Variants in ZNF726 observed in about 807,000 individuals in gnomAD.
The protein encoded by ZNF726 is zinc finger protein 726, also known as zinc finger protein 92 pseudogene 3.
A neutral mutation model predicts 11.6 loss-of-function variants in ZNF726; 15 were observed. The ratio of observed to expected loss-of-function variants is 1.29; its 90% CI spans 0.86 to 1.99. ZNF726 has a LOEUF of 1.99. Among genes scored for constraint, ZNF726 ranks in the 30% most tolerant of loss-of-function variants. The pLI, the probability that ZNF726 is intolerant of heterozygous loss-of-function variation, is 0.00. For synonymous variants in ZNF726, 295 were observed against 243.6 expected (o/e 1.21, Z -1.96); for missense variants, 890 against 725.6 (o/e 1.23, Z -2.60).
At chr19:23,935,293 A>G (rs757893694), downstream of ZNF726, 3 of 505,780 alleles carry the variant, frequency 5.9e-6, no homozygotes, top group South Asian at 2.9e-5. Context: ...GTAAAACTCT[A>G]CAAATGTGAA....
In ZNF726 at chr19:23,932,462, G is replaced by A; in HGVS notation, c.346G>A (p.Gly116Ser). The change falls in exon 4 of 4, where the codon GGT (glycine) becomes AGT (serine). Residue 116 changes from glycine to serine, a missense_variant. Physicochemically the swap from Gly to Ser is moderately conservative, Grantham distance 56. Transcript: ENST00000594466. ...ACATGAGAATTTACAGTTAAGAAAA[G>A]GTTGTAAAAGTGTGGATGAGTGTAA... ...CGHENLQLRKGCKSVDECKVH... is the reference protein window; with the variant it reads ...CGHENLQLRKSCKSVDECKVH... 6.3e-7 allele frequency: 1 copy of A among 1,577,848 alleles called. No homozygotes were observed. The highest frequency in any genetic ancestry group is 8.6e-7 in the Non-Finnish European group (1 of 1,166,128).
At chr19:23,920,227 G>C (rs920487666) in intron 3 of ZNF726, 145 bp downstream of exon 3, 3 of 447,134 alleles carry the variant, frequency 6.7e-6, no homozygotes, top group Non-Finnish European at 1.2e-5. Context: ...TATACTCTCA[G>C]ATAGGGGCAT....
chr19:23,939,304 T>C (rs1211223365), downstream of ZNF726, among the ~76,000 whole-genome samples: 1 of 152,186 alleles, frequency 6.6e-6, no homozygotes, highest in East Asian at 1.9e-4. Flanking sequence ...GTTAATTTCT[T>C]TTTGTGGTGA....
intron 1 of ZNF726, among the ~76,000 whole-genome samples, chr19:23,918,053 G>A (rs1447133535): frequency 6.6e-6 from 1 of 152,162 alleles, no homozygotes; most frequent in East Asian, 1.9e-4. Flanking sequence ...AAAAGTGCAG[G>A]AATGCGGTTA....
chr19:23,924,223 T>TC (rs1967928610), intron 3 of ZNF726, among the ~76,000 whole-genome samples: 1 of 151,734 alleles, frequency 6.6e-6, no homozygotes, highest in South Asian at 2.1e-4. Flanking sequence ...TTGTATTTTT[T>TC]TTTTTTTTTT....
Position 23,934,016 on chromosome 19 carries a change from C to T in ZNF726, c.*49C>T, listed in dbSNP as rs759937915. On this transcript the variant is annotated 3_prime_UTR_variant, in exon 4 of 4. Coordinates refer to ENST00000594466, the MANE Select transcript of ZNF726 (RefSeq NM_001244038.2). ...AATGTGGCAAAGCATTTATATGGTC[C>T]TCAACGCTAAACATAAGAGGATGCA... The T allele has an allele frequency of 6.6e-7, 1 of 1,508,782 alleles. No homozygotes were observed. Among genetic ancestry groups the T allele is most frequent in the Non-Finnish European group, 9.0e-7 (1 of 1,106,656 alleles). 93.5% of individuals were successfully genotyped at this position (1,508,782 alleles called of 1,614,324 possible). A position where few individuals can be genotyped will look rare whatever the true frequency, so the allele number is the denominator to read the frequency against.
chr19:23,940,821 T>A (rs1206811420), intron 3 of ZNF726, among the ~76,000 whole-genome samples: 1 of 152,196 alleles, frequency 6.6e-6, no homozygotes, highest in African/African-American at 2.4e-5. Context: ...GAACTACTGA[T>A]TTGTATACGT....
downstream of ZNF726, chr19:23,935,341 C>T (rs1275941478): frequency 3.8e-6 from 2 of 528,422 alleles, no homozygotes; most frequent in Non-Finnish European, 7.6e-6. Flanking sequence ...TCAGCCCTAA[C>T]TAGACATAAG....
intron 3 of ZNF726, chr19:23,928,636 G>A (rs1200788089): frequency 1.3e-5 from 2 of 152,040 alleles, no homozygotes; most frequent in Non-Finnish European, 2.9e-5. Flanking sequence ...TAAAACCCAA[G>A]TGTAGTTACT....
At chr19:23,916,758 A>G (rs1433356744) in intron 1 of ZNF726, among the ~76,000 whole-genome samples, 1 of 151,676 alleles carries the variant, frequency 6.6e-6, no homozygotes, top group African/African-American at 2.4e-5. Flanking sequence ...TTTTTCTTTT[A>G]TTTTACCTAG....
In ZNF726 at chr19:23,933,247, A is replaced by T; in HGVS notation, c.1131A>T (p.Ala377=). 6.2e-7 allele frequency: 1 copy of T among 1,612,464 alleles called. No homozygotes were observed. Among genetic ancestry groups the T allele is most frequent in the East Asian group, 2.2e-5 (1 of 44,762 alleles). The change falls in exon 4 of 4, where the codon GCA becomes GCT. Residue 377 remains alanine (A), a synonymous_variant. Transcript: ENST00000594466. ...ACAAATGTGAAGAATGTGGCAAAGC[A>T]TTTATATGGCCCTCAACCCTAACTA... ...KPYKCEECGK[A]FIWPSTLTKH...
chr19:23,929,946 A>G (rs1034212003), intron 3 of ZNF726, among the ~76,000 whole-genome samples: 1 of 152,132 alleles, frequency 6.6e-6, no homozygotes, highest in Non-Finnish European at 1.5e-5. Context: ...GTATTTTTAA[A>G]CAAAATGGAC....
At chr19:23,942,592 A>G (rs973294877) in intron 3 of ZNF726, among the ~76,000 whole-genome samples, 8 of 151,910 alleles carry the variant, frequency 5.3e-5, no homozygotes, top group Admixed American at 3.3e-4. Context: ...ATTGATGTCT[A>G]TCTCATTTCT....
At chr19:23,936,708 CT>C (rs60242417), downstream of ZNF726, among the ~76,000 whole-genome samples, 27,966 of 146,550 alleles carry the variant, frequency 0.19, 2,694 homozygotes, top group African/African-American at 0.24. Flanking sequence ...GAAAGAAAAA[CT>C]TTTTTTTTTT....
At chr19:23,924,734 T>C (rs1967941573) in intron 3 of ZNF726, among the ~76,000 whole-genome samples, 1 of 152,016 alleles carries the variant, frequency 6.6e-6, no homozygotes, top group South Asian at 2.1e-4. Context: ...CAGATATTTT[T>C]TTCTAAGAAA....
At chr19:23,924,334 G>A (rs968209387) in intron 3 of ZNF726, among the ~76,000 whole-genome samples, 20 of 152,004 alleles carry the variant, frequency 1.3e-4, no homozygotes, top group Admixed American at 7.9e-4. Context: ...GATTACAGGC[G>A]TGAGCCGCCT....
intron 3 of ZNF726, among the ~76,000 whole-genome samples, chr19:23,940,434 T>G (rs1428622021): frequency 6.6e-6 from 1 of 152,188 alleles, no homozygotes; most frequent in Non-Finnish European, 1.5e-5. Context: ...TCAGGTAGTG[T>G]GGTGCCTCGA....
chr19:23,919,537 T>C, intron 2 of ZNF726, 38 bp downstream of exon 2: 1 of 1,536,798 alleles, frequency 6.5e-7, no homozygotes, highest in South Asian at 1.2e-5. Flanking sequence ...TAATATAAAC[T>C]AAAGCTTTTA....
intron 3 of ZNF726, among the ~76,000 whole-genome samples, chr19:23,924,680 A>G (rs1382688558): frequency 6.6e-6 from 1 of 152,164 alleles, no homozygotes; most frequent in Non-Finnish European, 1.5e-5. Context: ...TTGAGCCCAA[A>G]AGATTGAGAC....
Sources: gnomAD v4.1 joint callset for allele counts (sites outside exome capture counted in the v4.1 genomes callset) on GRCh38, gnomAD v4.1.1 for gene constraint, MANE v1.5 for transcripts, NCBI Gene and HGNC (gene_info 2026-07-23, HGNC 2026-07-21) for gene names.